The following ATP6V0A1 variants were observed in gnomAD, a reference collection of about 807,000 sequenced individuals.
ATP6V0A1 encodes the protein ATPase H+ transporting V0 subunit a1, also known as V-type proton ATPase 116 kDa subunit a 1.
Under a neutral mutation model 105.4 loss-of-function variants are expected in ATP6V0A1, and 43 were observed. The ratio of observed to expected loss-of-function variants is 0.41; its 90% confidence interval spans 0.32 to 0.53. The LOEUF is 0.53. Ranked by LOEUF, ATP6V0A1 falls within the 20% of genes least tolerant of loss-of-function variation. ATP6V0A1 has a pLI of 0.30. For missense variants in ATP6V0A1, 676 were observed against 1,051.1 expected (o/e 0.64, Z 4.93); for synonymous variants, 362 against 372.8 (o/e 0.97, Z 0.33).
intron 2 of ATP6V0A1, among the ~76,000 whole-genome samples, chr17:42,465,363 T>A: frequency 6.6e-6 from 1 of 151,884 alleles, no homozygotes; most frequent in Admixed American, 6.6e-5. Flanking sequence ...TGATTTTGGC[T>A]CACTGCAACC....
intron 21 of ATP6V0A1, among the ~76,000 whole-genome samples, chr17:42,515,554 G>A (rs60952710): frequency 0.071 from 10,808 of 151,906 alleles, 422 homozygotes; most frequent in East Asian, 0.14. Flanking sequence ...GGGAGGCCGA[G>A]GCGGGTGGAT....
chr17:42,498,687 G>C (rs1032611862), intron 14 of ATP6V0A1, among the ~76,000 whole-genome samples: 1 of 152,054 alleles, frequency 6.6e-6, no homozygotes, highest in Non-Finnish European at 1.5e-5. Context: ...ATAGCTGGGC[G>C]TGGTGGCAGG....
chr17:42,471,682 G>A (rs1160527215), intron 5 of ATP6V0A1, among the ~76,000 whole-genome samples: 2 of 151,626 alleles, frequency 1.3e-5, no homozygotes, highest in African/African-American at 4.8e-5. Context: ...TGCAGTGAGC[G>A]GAGATTAAGC....
Position 42,466,484 on chromosome 17 carries a change from G to A in ATP6V0A1, c.173G>A (p.Cys58Tyr), listed in dbSNP as rs756984374. ...AAATTTGTGAATGAAGTTAGAAGAT[G>A]TGAAGAAATGGATCGAAAGCTTCGT... is the stretch of plus-strand genomic sequence containing the variant. ...QRKFVNEVRR[C>Y]EEMDRKLRFV... Residue 58 changes from cysteine (C) to tyrosine (Y), a missense_variant, in exon 3 of 22, where the codon TGT becomes TAT. Around this residue, in one of 3 missense-constraint regions of ATP6V0A1, gnomAD observed 239 missense variants for 388.4 expected, o/e 0.62. Coordinates refer to ENST00000343619, the MANE Select transcript of ATP6V0A1 (RefSeq NM_001130021.3). The A allele has an allele frequency of 1.2e-6, 2 of 1,613,094 alleles. No homozygotes were observed. Among genetic ancestry groups the A allele is most frequent in the Non-Finnish European group, 1.7e-6 (2 of 1,179,214 alleles).
chr17:42,461,079 T>C (rs1010721688), intron 2 of ATP6V0A1, 68 bp downstream of exon 2: 35 of 1,303,992 alleles, frequency 2.7e-5, no homozygotes, highest in Admixed American at 3.5e-5. Flanking sequence ...AGATGCCTTA[T>C]GATGAATGTT....
chr17:42,490,937 G>A (rs2090564668), intron 11 of ATP6V0A1, among the ~76,000 whole-genome samples: 1 of 152,144 alleles, frequency 6.6e-6, no homozygotes, highest in Non-Finnish European at 1.5e-5. Context: ...ACGGCTTACA[G>A]CAGCCTCAAC....
chr17:42,461,564 G>A (rs1391978870), intron 2 of ATP6V0A1, among the ~76,000 whole-genome samples: 1 of 152,122 alleles, frequency 6.6e-6, no homozygotes, highest in Non-Finnish European at 1.5e-5. Context: ...CGGGAGGTCA[G>A]GAGTTTGAGA....
Position 42,507,606 on chromosome 17 carries a change from C to T in ATP6V0A1, c.2091C>T (p.Thr697=). Residue 697 remains threonine (T), a synonymous_variant, in exon 18 of 22, where the codon ACC becomes ACT. Coordinates refer to ENST00000343619, the MANE Select transcript of ATP6V0A1 (RefSeq NM_001130021.3). The part of the protein sequence containing the change: ...AEIIQHDQLS[T]HSEDADEPSE... ...TTATTCAGCATGACCAGCTCTCCACCCACTCAGAGGACGCAGACGAGGTAA... is the reference window on the plus strand; with the variant it reads ...TTATTCAGCATGACCAGCTCTCCACTCACTCAGAGGACGCAGACGAGGTAA... 6.2e-7 allele frequency: 1 copy of T among 1,613,954 alleles called. No homozygotes were observed. The highest frequency in any genetic ancestry group is 8.5e-7 in the Non-Finnish European group (1 of 1,179,950).
At chr17:42,494,303 T>A (rs1485189376) in intron 11 of ATP6V0A1, 31 bp from the exon 12 acceptor site, 1 of 1,583,740 alleles carries the variant, frequency 6.3e-7, no homozygotes, top group Admixed American at 1.7e-5. Context: ...TTAATGTACT[T>A]TGTATTTTTC....
intron 2 of ATP6V0A1, among the ~76,000 whole-genome samples, chr17:42,465,580 G>A (rs752554923): frequency 4.0e-5 from 6 of 151,772 alleles, no homozygotes; most frequent in Non-Finnish European, 7.4e-5. Flanking sequence ...GTGAGCCACC[G>A]TGACCGGCCA....
intron 18 of ATP6V0A1, 44 bp from the exon 19 acceptor site, chr17:42,508,528 T>C: frequency 1.2e-6 from 2 of 1,613,290 alleles, no homozygotes; most frequent in Non-Finnish European, 1.7e-6. Flanking sequence ...TGTGACCTTG[T>C]GTGTGGCGTG....
At chr17:42,476,209 T>C (rs1462548980) in intron 5 of ATP6V0A1, among the ~76,000 whole-genome samples, 1 of 152,224 alleles carries the variant, frequency 6.6e-6, no homozygotes, top group African/African-American at 2.4e-5. Flanking sequence ...CTTAAACTTT[T>C]CCAATCTCAT....
chr17:42,463,759 C>T (rs2086712511), intron 2 of ATP6V0A1, among the ~76,000 whole-genome samples: 1 of 152,132 alleles, frequency 6.6e-6, no homozygotes, highest in Non-Finnish European at 1.5e-5. Flanking sequence ...ATTTTGACTC[C>T]TCCAAAACTT....
chr17:42,469,167 C>T (rs915311432), intron 4 of ATP6V0A1, among the ~76,000 whole-genome samples: 1 of 151,920 alleles, frequency 6.6e-6, no homozygotes, highest in African/African-American at 2.4e-5. Flanking sequence ...GTTGGTTAAT[C>T]TTGCAATCTT....
intron 5 of ATP6V0A1, among the ~76,000 whole-genome samples, chr17:42,472,673 G>C (rs2088146570): frequency 6.6e-6 from 1 of 151,982 alleles, no homozygotes; most frequent in South Asian, 2.1e-4. Flanking sequence ...GTAGTGAGCT[G>C]AGATCGCACC....
intron 7 of ATP6V0A1, among the ~76,000 whole-genome samples, chr17:42,479,989 C>T (rs987077655): frequency 7.9e-5 from 12 of 152,178 alleles, no homozygotes; most frequent in South Asian, 6.2e-4. Flanking sequence ...TTCTTCACTC[C>T]TCATCCCCTT....
intron 10 of ATP6V0A1, among the ~76,000 whole-genome samples, chr17:42,487,714 C>T (rs1245064393): frequency 1.3e-5 from 2 of 150,906 alleles, no homozygotes; most frequent in Non-Finnish European, 2.9e-5. Flanking sequence ...GGCAACAGAG[C>T]GAGACTCTGT....
At chr17:42,509,142 C>T (rs1160061017) in intron 19 of ATP6V0A1, among the ~76,000 whole-genome samples, 2 of 152,042 alleles carry the variant, frequency 1.3e-5, no homozygotes, top group Admixed American at 1.3e-4. Context: ...GAGAGGGAGA[C>T]AGCTTTCAAA....
intron 19 of ATP6V0A1, 91 bp downstream of exon 19, chr17:42,508,680 G>A: frequency 6.5e-7 from 1 of 1,550,124 alleles, no homozygotes; most frequent in Non-Finnish European, 8.9e-7. Flanking sequence ...CACACCCTGG[G>A]GCCATACACA....
Sources: allele counts gnomAD v4.1 joint callset (sites outside exome capture counted in the v4.1 genomes callset), GRCh38; gene constraint gnomAD v4.1.1; regional missense constraint gnomAD v4.1.1; transcripts MANE v1.5; gene names NCBI Gene and HGNC (gene_info 2026-07-23, HGNC 2026-07-21).